Variants in MIA2 observed in about 807,000 individuals in gnomAD.
MIA2 encodes the protein MIA SH3 domain ER export factor 2.
In MIA2, 127 loss-of-function variants were observed where a neutral mutation model predicts 167.8. The observed-to-expected ratio is 0.76, with a 90% CI of 0.66 to 0.88. The LOEUF is 0.88. MIA2 is among the 40% of genes least tolerant of loss of function. The pLI is 0.00. For missense variants in MIA2, 1,690 were observed against 1,624.7 expected, an observed-to-expected ratio of 1.04 and a Z score of -0.69; for synonymous variants, 552 against 541.9, an observed-to-expected ratio of 1.02 and a Z score of -0.26.
chr14:39,326,226 G>T (rs1191795290), intron 24 of MIA2, among the ~76,000 whole-genome samples: 1 of 152,150 alleles, frequency 6.6e-6, no homozygotes, highest in Admixed American at 6.5e-5. Flanking sequence ...TTTTGAATGT[G>T]AATTTGATAT....
chr14:39,268,806 T>C (rs75186929), intron 6 of MIA2, among the ~76,000 whole-genome samples: 3,474 of 152,258 alleles, frequency 0.023, 52 homozygotes, highest in Non-Finnish European at 0.038. Context: ...AGAGCTAAAA[T>C]ATGTTTGACT....
intron 23 of MIA2, among the ~76,000 whole-genome samples, chr14:39,366,245 G>T (rs185927520): frequency 2.8e-4 from 42 of 152,190 alleles, no homozygotes; most frequent in Admixed American, 2.7e-3. Flanking sequence ...GCCTGTCCTT[G>T]GGTCTCTGGG....
chr14:39,298,530 GTTTTTTTTT>G (rs764475842), intron 13 of MIA2, among the ~76,000 whole-genome samples: 1 of 26,180 alleles, frequency 3.8e-5, no homozygotes, highest in South Asian at 2.1e-3. Context: ...GTAGAACAGA[GTTTTTTTTT>G]TTTTTTTTTT....
chr14:39,299,093 AAAAAG>A (rs1322394812), intron 13 of MIA2, among the ~76,000 whole-genome samples: 1 of 149,488 alleles, frequency 6.7e-6, no homozygotes, highest in Non-Finnish European at 1.5e-5. Context: ...AAAAAAAAAA[AAAAAG>A]AAATAATTCC....
At chr14:39,309,146 C>G (rs994770697) in intron 18 of MIA2, among the ~76,000 whole-genome samples, 1 of 152,078 alleles carries the variant, frequency 6.6e-6, no homozygotes, top group East Asian at 1.9e-4. Flanking sequence ...TAGTCTAGTC[C>G]AAGTCATCAA....
intron 9 of MIA2, among the ~76,000 whole-genome samples, chr14:39,285,855 G>T (rs1297462322): frequency 6.6e-6 from 1 of 150,426 alleles, no homozygotes; most frequent in South Asian, 2.1e-4. Context: ...GGTCGCGGCC[G>T]GGCAGAGGTG....
At chr14:39,310,880 G>A (rs544346406) in intron 18 of MIA2, among the ~76,000 whole-genome samples, 1 of 152,312 alleles carries the variant, frequency 6.6e-6, no homozygotes, top group African/African-American at 2.4e-5. Context: ...TGACAAAATG[G>A]AAGAATTACA....
rs1334036136 is a variant in MIA2, at chr14:39,302,115, T to A, written c.2620-14T>A. On this transcript the variant is annotated splice_polypyrimidine_tract_variant and intron_variant, in intron 14 of 28. Coordinates refer to ENST00000640607, the MANE Select transcript of MIA2 (RefSeq NM_001329214.4). ...CATTACCCTCTCTATTTTTCCCCTT[T>A]GTTCAATGTCAAGACTCTGACTGAA... 6.2e-7 allele frequency: 1 copy of A among 1,612,158 alleles called. No homozygotes were observed. Among genetic ancestry groups the A allele is most frequent in the Non-Finnish European group, 8.5e-7 (1 of 1,178,894 alleles).
In MIA2 at chr14:39,319,291, G is replaced by T; in HGVS notation, c.3367G>T (p.Glu1123Ter). The change falls in exon 23 of 29, where the codon GAG becomes TAG. Residue 1123 changes from glutamate (E) to a stop codon, truncating the protein, a stop_gained and splice_region_variant. Coordinates refer to ENST00000640607, the MANE Select transcript of MIA2 (RefSeq NM_001329214.4). LOFTEE classifies it high-confidence loss of function. ...TGTTCCAAATACAGCATTTGGCAGA[G>T]GTAGTCTTTTTTTTTTTACCCCTCA... is the stretch of plus-strand genomic sequence containing the variant. ...LDVPNTAFGR[E>*]HSPYGPSPLG... 6.7e-7 allele frequency: 1 copy of T among 1,500,134 alleles called. No individual in the cohort carries two copies. Among genetic ancestry groups the T allele is most frequent in the Non-Finnish European group, 8.9e-7 (1 of 1,124,012 alleles). The allele number at this position is 1,500,134 out of a possible 1,614,324, so 92.9% of individuals were successfully genotyped here. A position where few individuals can be genotyped will look rare whatever the true frequency, so the allele number is the denominator to read the frequency against.
At chr14:39,324,588 A>C (rs936964628) in intron 24 of MIA2, among the ~76,000 whole-genome samples, 2 of 151,836 alleles carry the variant, frequency 1.3e-5, no homozygotes, top group African/African-American at 2.4e-5. Context: ...TAGAGTAAGC[A>C]TTTTTGTTAG....
chr14:39,292,335 G>T (rs891155867), intron 10 of MIA2, among the ~76,000 whole-genome samples: 1 of 152,120 alleles, frequency 6.6e-6, no homozygotes, highest in African/African-American at 2.4e-5. Flanking sequence ...AATTATTATA[G>T]GAGTAAAATT....
chr14:39,286,614 T>G (rs902728647), intron 9 of MIA2, among the ~76,000 whole-genome samples: 4 of 152,192 alleles, frequency 2.6e-5, no homozygotes, highest in Non-Finnish European at 5.9e-5. Flanking sequence ...ACATATAGGA[T>G]CATGTCATCT....
chr14:39,269,049 G>C, intron 6 of MIA2: 1 of 807,742 alleles, frequency 1.2e-6, no homozygotes, highest in Non-Finnish European at 1.5e-6. Flanking sequence ...TCTCTAGTCT[G>C]GTGCGTTGTA....
intron 2 of MIA2, among the ~76,000 whole-genome samples, chr14:39,239,304 G>A (rs909214903): frequency 3.3e-5 from 5 of 152,104 alleles, no homozygotes; most frequent in Non-Finnish European, 1.5e-5. Flanking sequence ...CCAGTGCTTT[G>A]GGAAGCTGAG....
chr14:39,291,374 A>G (rs189981106), intron 10 of MIA2, among the ~76,000 whole-genome samples: 25 of 152,324 alleles, frequency 1.6e-4, no homozygotes, highest in Admixed American at 5.2e-4. Context: ...ACTTCGTTCT[A>G]TTATTCCTGG....
chr14:39,267,455 G>A, intron 6 of MIA2: 2 of 1,612,712 alleles, frequency 1.2e-6, no homozygotes, highest in Non-Finnish European at 1.7e-6. Context: ...AGCAGCTTTG[G>A]CGCTATGGAG....
intron 24 of MIA2, among the ~76,000 whole-genome samples, chr14:39,325,304 A>AC (rs938702422): frequency 7.4e-5 from 11 of 149,562 alleles, no homozygotes; most frequent in South Asian, 4.3e-4. Context: ...TTTTGAGAAG[A>AC]CCCCCCTTTT....
chr14:39,316,173 A>G lies in MIA2; in HGVS notation c.3216+455A>G, dbSNP rs543333269. On this transcript the variant is annotated intron_variant, in intron 21 of 28. Transcript: ENST00000640607. ...CTCAGTGTTGAATTACTGGGTACAC[A>G]TTAAGAAAAGGGTCATCATGAGAAA... Among the ~76,000 whole-genome samples the G allele has an allele frequency of 4.6e-5, 7 of 152,374 alleles. No individual in the cohort carries two copies. The South Asian group carries it at 8.3e-4, about 18-fold the overall frequency.
chr14:39,297,705 G>C (rs2061633635), intron 13 of MIA2, among the ~76,000 whole-genome samples: 1 of 151,288 alleles, frequency 6.6e-6, no homozygotes, highest in Non-Finnish European at 1.5e-5. Flanking sequence ...GTGTTTGTGT[G>C]TGTGAAAGAG....
Sources: allele counts gnomAD v4.1 joint callset (sites outside exome capture counted in the v4.1 genomes callset), GRCh38; gene constraint gnomAD v4.1.1; transcripts MANE v1.5; gene names NCBI Gene and HGNC (gene_info 2026-07-23, HGNC 2026-07-21).